Variants in ABCB4 observed in about 807,000 individuals in gnomAD.
The protein encoded by ABCB4 is ATP binding cassette subfamily B member 4, also known as phosphatidylcholine translocator ABCB4.
ABCB4 carries 76 observed loss-of-function variants against 145.7 expected under a neutral mutation model. That is an observed-to-expected ratio of 0.52 (90% CI 0.43 to 0.63). The LOEUF (loss-of-function observed/expected upper bound fraction) is 0.63. Among genes scored for constraint, ABCB4 ranks in the 30% least tolerant of loss-of-function variants. The probability of loss-of-function intolerance (pLI) is 0.00; values close to 1 mark genes in which losing one functional copy is unlikely to be tolerated. For missense variants in ABCB4, 1,234 were observed against 1,553.1 expected (o/e 0.79, Z 3.45); for synonymous variants, 517 against 566.8 (o/e 0.91, Z 1.25).
At chr7:87,470,241 T>C (rs1290902691) in intron 3 of ABCB4, among the ~76,000 whole-genome samples, 2 of 152,188 alleles carry the variant, frequency 1.3e-5, no homozygotes, top group African/African-American at 2.4e-5. Flanking sequence ...AAGACTTACA[T>C]GTTAGACCTA....
intron 14 of ABCB4, among the ~76,000 whole-genome samples, chr7:87,438,935 A>G (rs1173324718): frequency 6.6e-6 from 1 of 152,180 alleles, no homozygotes; most frequent in Admixed American, 6.5e-5. Context: ...TCCTTAAGGA[A>G]CTTGCACATA....
At chr7:87,386,539 T>A in the ABCB4 span, among the ~76,000 whole-genome samples, 14 of 152,270 alleles carry the variant, frequency 9.2e-5, no homozygotes, top group South Asian at 2.1e-4. Flanking sequence ...TTTATTTGAG[T>A]CTTTTCCTTT....
intron 23 of ABCB4, among the ~76,000 whole-genome samples, chr7:87,411,099 C>T (rs1466556773): frequency 6.6e-6 from 1 of 152,024 alleles, no homozygotes; most frequent in African/African-American, 2.4e-5. Context: ...CCATTTGTTT[C>T]CTGCTGGGAT....
In ABCB4 at chr7:87,406,509, C is replaced by T; in HGVS notation, c.3280-15G>A. Reference sequence around the variant, plus strand: ...CCATCGAGAAGCTGAAAACCAAAGTCCACAAACTATAAGAAGGGTATAAAA... The same window carrying T: ...CCATCGAGAAGCTGAAAACCAAAGTTCACAAACTATAAGAAGGGTATAAAA... On this transcript the variant is annotated splice_polypyrimidine_tract_variant and intron_variant, in intron 25 of 27. Transcript: ENST00000649586. 1.2e-6 allele frequency: 2 copies of T among 1,613,258 alleles called. No individual in the cohort carries two copies. Among genetic ancestry groups the T allele is most frequent in the South Asian group, 1.1e-5 (1 of 91,004 alleles).
intron 18 of ABCB4, 43 bp downstream of exon 18, chr7:87,422,078 T>C: frequency 1.5e-6 from 2 of 1,366,220 alleles, no homozygotes; most frequent in Non-Finnish European, 2.1e-6. Flanking sequence ...TTTCTCTAAT[T>C]AAATTATAAA....
chr7:87,372,007 C>CCA, the ABCB4 span, among the ~76,000 whole-genome samples: 3 of 124,002 alleles, frequency 2.4e-5, no homozygotes, highest in African/African-American at 9.2e-5. Context: ...AAAAAAAAAA[C>CCA]AAAAAAAAAA....
chr7:87,457,069 C>T (rs893055428), intron 4 of ABCB4, among the ~76,000 whole-genome samples: 24 of 152,130 alleles, frequency 1.6e-4, no homozygotes, highest in African/African-American at 5.8e-4. Flanking sequence ...GTTCAGGCTC[C>T]ACTCAAGCCC....
the ABCB4 span, chr7:87,377,228 T>C: frequency 3.4e-6 from 2 of 588,908 alleles, no homozygotes; most frequent in South Asian, 2.4e-5. Context: ...AACTATATTA[T>C]GATTTTATTA....
intron 3 of ABCB4, among the ~76,000 whole-genome samples, chr7:87,470,477 C>CA (rs1813289354): frequency 6.6e-6 from 1 of 152,100 alleles, no homozygotes. Flanking sequence ...ACTCATCTGA[C>CA]AAAGGGCTAG....
intron 20 of ABCB4, among the ~76,000 whole-genome samples, chr7:87,417,818 G>A (rs979076761): frequency 6.6e-6 from 1 of 152,194 alleles, no homozygotes; most frequent in Non-Finnish European, 1.5e-5. Flanking sequence ...TAGATGCAAT[G>A]TTCAAAGAGG....
intron 15 of ABCB4, 65 bp from the exon 16 acceptor site, chr7:87,426,985 A>C (rs1465154862): frequency 7.6e-5 from 68 of 900,360 alleles, no homozygotes; most frequent in Non-Finnish European, 1.1e-4. Flanking sequence ...GTGTGTCTCC[A>C]AATGGATGTA....
At chr7:87,427,938 C>G (rs1169406654) in intron 15 of ABCB4, among the ~76,000 whole-genome samples, 2 of 152,094 alleles carry the variant, frequency 1.3e-5, no homozygotes, top group Non-Finnish European at 2.9e-5. Flanking sequence ...TAATTGATCC[C>G]TTGCATTCTC....
rs189969300 is a variant in ABCB4 at position 87,451,478 on chromosome 7, G to A, written c.708+145C>T. The stretch of plus-strand genomic sequence containing the variant: ...GTTAAAAATTAATTTCCTTATGAAA[G>A]CATCATATTAACACCATGTTACTGG... On this transcript the variant is annotated intron_variant, in intron 7 of 27. Transcript: ENST00000649586. 9.6e-6 allele frequency: 8 copies of A among 835,622 alleles called. No individual in the cohort carries two copies. The Admixed American group carries it at 1.8e-4, about 19-fold the overall frequency. 51.8% of individuals were successfully genotyped at this position (835,622 alleles called of 1,614,324 possible).
chr7:87,411,561 T>A (rs752122038), intron 23 of ABCB4, among the ~76,000 whole-genome samples: 2 of 152,158 alleles, frequency 1.3e-5, no homozygotes, highest in Non-Finnish European at 2.9e-5. Context: ...CTGTTTTGAG[T>A]CCATGGTCAC....
intron 7 of ABCB4, among the ~76,000 whole-genome samples, chr7:87,451,117 G>A (rs1479589839): frequency 6.6e-6 from 1 of 151,428 alleles, no homozygotes; most frequent in Non-Finnish European, 1.5e-5. Context: ...TTAACTAAGG[G>A]TAATCGAAGT....
intron 14 of ABCB4, among the ~76,000 whole-genome samples, chr7:87,432,112 T>A (rs920031750): frequency 6.6e-6 from 1 of 152,178 alleles, no homozygotes; most frequent in Non-Finnish European, 1.5e-5. Flanking sequence ...ATCTCTAGAG[T>A]AAGGCAAGTA....
intron 16 of ABCB4, among the ~76,000 whole-genome samples, chr7:87,426,445 G>A (rs766822182): frequency 5.3e-5 from 8 of 152,080 alleles, no homozygotes; most frequent in African/African-American, 1.4e-4. Context: ...AGGGCCTCTC[G>A]TTTTGGACCA....
intron 21 of ABCB4, among the ~76,000 whole-genome samples, chr7:87,416,775 G>A (rs758492825): frequency 2.0e-5 from 3 of 152,166 alleles, no homozygotes; most frequent in Non-Finnish European, 4.4e-5. Flanking sequence ...TAATAAATTG[G>A]TGCATATAAA....
the ABCB4 span, among the ~76,000 whole-genome samples, chr7:87,396,033 A>C: frequency 6.6e-6 from 1 of 152,212 alleles, no homozygotes; most frequent in African/African-American, 2.4e-5. Context: ...AACTATGTCC[A>C]GATGTACATG....
Sources: allele counts gnomAD v4.1 joint callset (sites outside exome capture counted in the v4.1 genomes callset), GRCh38; gene constraint gnomAD v4.1.1; transcripts MANE v1.5; gene names NCBI Gene and HGNC (gene_info 2026-07-23, HGNC 2026-07-21).